Variants in GALC observed in about 807,000 individuals in gnomAD.
GALC encodes the protein galactocerebrosidase.
In GALC, 77 loss-of-function variants were observed where a neutral mutation model predicts 91.8. That is an observed-to-expected ratio of 0.84 (90% confidence interval 0.70 to 1.01). The LOEUF (loss-of-function observed/expected upper bound fraction) is 1.01, where lower values mean the gene tolerates loss of function less well. Ranked by LOEUF, GALC falls within the 50% of genes least tolerant of loss-of-function variation. The pLI is 0.00. For synonymous variants in GALC, 357 were observed against 306.7 expected, an observed-to-expected ratio of 1.16 and a Z score of -1.71; for missense variants, 882 against 855.9, an observed-to-expected ratio of 1.03 and a Z score of -0.38.
At chr14:87,946,629 A>C (rs1368203526) in intron 13 of GALC, among the ~76,000 whole-genome samples, 3 of 150,510 alleles carry the variant, frequency 2.0e-5, no homozygotes, top group Admixed American at 2.0e-4. Context: ...GCAGTTCTTC[A>C]ATCTCATTAT....
intron 1 of GALC, 84 bp downstream of exon 1, chr14:87,992,886 G>C (rs1021247052): frequency 1.4e-6 from 2 of 1,425,422 alleles, no homozygotes; most frequent in Non-Finnish European, 1.8e-6. Context: ...GGAAACGCAG[G>C]GCAACGCCGC....
chr14:87,950,759 A>C lies in GALC; in HGVS notation c.1162-11T>G. ...AGAATGTTTATGACTCTGAAAAAAA[A>C]AAATCACATACATTATCCAAATGAT... On this transcript the variant is annotated splice_polypyrimidine_tract_variant and intron_variant, in intron 10 of 16. Transcript: ENST00000261304. 6.4e-7 allele frequency: 1 copy of C among 1,551,620 alleles called. No homozygotes were observed. The highest frequency in any genetic ancestry group is 8.9e-7 in the Non-Finnish European group (1 of 1,125,092).
At chr14:87,953,149 C>A (rs1885382443) in intron 10 of GALC, 3 of 1,468,372 alleles carry the variant, frequency 2.0e-6, no homozygotes. Context: ...GTAGATAAGC[C>A]AAGGTCTGAA....
chr14:87,971,998 A>G (rs1375136183), intron 7 of GALC, among the ~76,000 whole-genome samples: 1 of 152,186 alleles, frequency 6.6e-6, no homozygotes, highest in Non-Finnish European at 1.5e-5. Flanking sequence ...TAACTGTAAA[A>G]CAAAAATCTG....
At position 87,982,227 on chromosome 14, in the gene GALC, G is replaced by T. The variant is rs786204618; in HGVS notation, c.599C>A (p.Ser200Ter). 2 of 1,583,046 alleles carry T rather than the reference G, an allele frequency of 1.3e-6. No individual in the cohort carries two copies. The highest frequency in any genetic ancestry group is 2.2e-5 in the East Asian group (1 of 44,490). Reference sequence around the variant, plus strand: ...CACCTTAATATAATTGGCATTATATGACCTCTCATTCCAAATCTGCAAAAC... The same window carrying T: ...CACCTTAATATAATTGGCATTATATTACCTCTCATTCCAAATCTGCAAAAC... ...IDYIGIWNER[S>*]YNANYIKILR... is the part of the protein sequence containing the mutation. Residue 200 changes from serine (S) to a stop codon, truncating the protein, a stop_gained, in exon 6 of 17, where the codon TCA becomes TAA. Coordinates refer to ENST00000261304, the MANE Select transcript of GALC (RefSeq NM_000153.4). LOFTEE classifies it high-confidence loss of function.
At chr14:87,951,945 A>T (rs1885325834) in intron 10 of GALC, among the ~76,000 whole-genome samples, 1 of 151,824 alleles carries the variant, frequency 6.6e-6, no homozygotes, top group African/African-American at 2.4e-5. Context: ...ATTTTAAAAG[A>T]TTACAAATTG....
At position 87,933,784 on chromosome 14, in the gene GALC, A is replaced by T. The variant is rs748637699; in HGVS notation, c.*948T>A. The T allele has an allele frequency of 3.9e-6, 2 of 511,338 alleles. No individual in the cohort carries two copies. The highest frequency in any genetic ancestry group is 6.9e-6 in the Non-Finnish European group (2 of 288,650). 31.7% of individuals were successfully genotyped at this position (511,338 alleles called of 1,614,324 possible). A position where few individuals can be genotyped will look rare whatever the true frequency, so the allele number is the denominator to read the frequency against. ...AATATAAACATATTTGGACTTTAAAAAGTAAGTACATCTTAGGAGATGATC... is the reference window on the plus strand; with the variant it reads ...AATATAAACATATTTGGACTTTAAATAGTAAGTACATCTTAGGAGATGATC... On this transcript the variant is annotated 3_prime_UTR_variant, in exon 17 of 17. Coordinates refer to ENST00000261304, the MANE Select transcript of GALC (RefSeq NM_000153.4).
rs751190201 is a variant in GALC, at chr14:87,984,384, T to C, written c.582+10A>G. The C allele has an allele frequency of 6.2e-7, 1 of 1,607,644 alleles. No homozygotes were observed. Among genetic ancestry groups the C allele is most frequent in the South Asian group, 1.1e-5 (1 of 90,352 alleles). On this transcript the variant is annotated intron_variant, in intron 5 of 16. Transcript: ENST00000261304. ...CCAAAACTGAATCATATTTTAAATA[T>C]ATTACTAACTCCAATATAATCAATG...
chr14:87,963,213 GT>G (rs1885883006), intron 10 of GALC, 170 bp downstream of exon 10: 2 of 621,214 alleles, frequency 3.2e-6, no homozygotes. Context: ...AGTGAGTTGT[GT>G]GCTATGTTTT....
At chr14:87,955,293 G>T in intron 10 of GALC, 14 of 637,136 alleles carry the variant, frequency 2.2e-5, no homozygotes, top group South Asian at 7.8e-5. Flanking sequence ...TTTTTGCTTT[G>T]GATTTTTTAT....
intron 14 of GALC, among the ~76,000 whole-genome samples, chr14:87,942,894 C>A (rs531798861): frequency 6.6e-6 from 1 of 151,972 alleles, no homozygotes; most frequent in African/African-American, 2.4e-5. Context: ...GTTTTCTCTC[C>A]ATAGATTATC....
chr14:87,968,899 G>C (rs1886166345), intron 7 of GALC, among the ~76,000 whole-genome samples: 1 of 152,128 alleles, frequency 6.6e-6, no homozygotes, highest in Admixed American at 6.6e-5. Context: ...GGGAAGCTAA[G>C]GAGCTTGGGG....
chr14:87,952,149 A>G (rs935399866), intron 10 of GALC, among the ~76,000 whole-genome samples: 1 of 151,926 alleles, frequency 6.6e-6, no homozygotes, highest in African/African-American at 2.4e-5. Flanking sequence ...AATTAAACAA[A>G]AACAAATTTA....
intron 10 of GALC, among the ~76,000 whole-genome samples, chr14:87,955,928 T>C (rs778436891): frequency 1.3e-5 from 2 of 150,654 alleles, no homozygotes; most frequent in Non-Finnish European, 2.9e-5. Flanking sequence ...CGAGTATTAA[T>C]AGATTATCAT....
At chr14:87,983,032 T>C (rs1177684143) in intron 5 of GALC, among the ~76,000 whole-genome samples, 2 of 152,210 alleles carry the variant, frequency 1.3e-5, no homozygotes, top group African/African-American at 2.4e-5. Context: ...AGGTTATAAA[T>C]GTCCTGACAT....
Position 87,968,503 on chromosome 14 carries a change from A to AT in GALC, c.753-14_753-13insA. 1 of 1,613,428 alleles carries AT rather than the reference A, an allele frequency of 6.2e-7. No individual in the cohort carries two copies. The highest frequency in any genetic ancestry group is 8.5e-7 in the Non-Finnish European group (1 of 1,179,440). On this transcript the variant is annotated splice_polypyrimidine_tract_variant and intron_variant, in intron 7 of 16. Coordinates refer to ENST00000261304, the MANE Select transcript of GALC (RefSeq NM_000153.4). ...AGGATAATGAGCCCTAGAAAAAAAAAGGGTGGAAGTCAATGAAAAAAGGTC... is the reference window on the plus strand; with the variant it reads ...AGGATAATGAGCCCTAGAAAAAAAAATGGGTGGAAGTCAATGAAAAAAGGTC...
At position 87,993,108 on chromosome 14, in the gene GALC, C is replaced by T; in HGVS notation, c.57G>A (p.Ala19=). 6.3e-7 allele frequency: 1 copy of T among 1,588,890 alleles called. No homozygotes were observed. Among genetic ancestry groups the T allele is most frequent in the Non-Finnish European group, 8.6e-7 (1 of 1,168,504 alleles). ...SWQRRAKAMT[A]AAGSAGRAAV... ...CGGCGCGGCCCGCCGAACCCGCGGCCGCAGTCATAGCTTTCGCTCGGCGTT... is the reference window on the plus strand; with the variant it reads ...CGGCGCGGCCCGCCGAACCCGCGGCTGCAGTCATAGCTTTCGCTCGGCGTT... Residue 19 remains alanine (A), a synonymous_variant, in exon 1 of 17, where the codon GCG becomes GCA. Transcript: ENST00000261304.
At chr14:87,982,170 A>G in intron 6 of GALC, 35 bp downstream of exon 6, 2 of 1,224,666 alleles carry the variant, frequency 1.6e-6, no homozygotes, top group Non-Finnish European at 2.4e-6. Flanking sequence ...TTCACTAAAA[A>G]GTTAAAAACA....
intron 10 of GALC, among the ~76,000 whole-genome samples, chr14:87,951,656 G>A (rs1361957073): frequency 6.6e-6 from 1 of 151,642 alleles, no homozygotes; most frequent in African/African-American, 2.4e-5. Context: ...AACCACTATA[G>A]AATTAAATCA....
Sources: allele counts gnomAD v4.1 joint callset (sites outside exome capture counted in the v4.1 genomes callset), GRCh38; gene constraint gnomAD v4.1.1; transcripts MANE v1.5; gene names NCBI Gene and HGNC (gene_info 2026-07-23, HGNC 2026-07-21).